The following GNG4 variants were observed in gnomAD, a reference collection of about 807,000 sequenced individuals.
GNG4 encodes the protein G protein subunit gamma 4.
A neutral mutation model predicts 5.8 loss-of-function variants in GNG4; 4 were observed. That is an observed-to-expected ratio of 0.69 (90% CI 0.34 to 1.57). The LOEUF (loss-of-function observed/expected upper bound fraction) is 1.57. Ranked by LOEUF, GNG4 falls within the 40% of genes most tolerant of loss-of-function variation. GNG4 has a pLI of 0.06. For synonymous variants in GNG4, 29 were observed against 32.9 expected (o/e 0.88, Z 0.41); for missense variants, 96 against 95.1 (o/e 1.01, Z -0.04).
intron 3 of GNG4, among the ~76,000 whole-genome samples, chr1:235,563,702 G>C (rs1240336212): frequency 6.6e-6 from 1 of 152,174 alleles, no homozygotes; most frequent in African/African-American, 2.4e-5. Context: ...TGGCACATGT[G>C]ACTTTGTTTC....
At chr1:235,570,858 A>ATGTGTG (rs1198419579) in intron 3 of GNG4, among the ~76,000 whole-genome samples, 1 of 53,006 alleles carries the variant, frequency 1.9e-5, no homozygotes, top group South Asian at 5.1e-4. Context: ...AATTATATAT[A>ATGTGTG]TATATGTGTG....
intron 1 of GNG4, among the ~76,000 whole-genome samples, chr1:235,624,179 T>C (rs1216242624): frequency 6.6e-6 from 1 of 151,564 alleles, no homozygotes; most frequent in Non-Finnish European, 1.5e-5. Flanking sequence ...CTTGGCTCAC[T>C]GCAACCTCTG....
intron 2 of GNG4, among the ~76,000 whole-genome samples, chr1:235,587,174 T>A (rs1687780586): frequency 8.3e-6 from 1 of 119,768 alleles, no homozygotes; most frequent in African/African-American, 3.5e-5. Flanking sequence ...CGTGTGAGAG[T>A]GTGTGGGGGT....
chr1:235,632,071 A>G (rs1314950996), intron 1 of GNG4, among the ~76,000 whole-genome samples: 2 of 152,162 alleles, frequency 1.3e-5, no homozygotes, highest in African/African-American at 2.4e-5. Context: ...GGCAAGGCTT[A>G]GTTGACATGT....
chr1:235,571,553 G>A (rs1687345161), intron 3 of GNG4, among the ~76,000 whole-genome samples: 1 of 152,128 alleles, frequency 6.6e-6, no homozygotes, highest in Admixed American at 6.6e-5. Context: ...GAGAATGTGG[G>A]AAAACACACA....
chr1:235,558,546 G>A (rs2102914528), intron 3 of GNG4, among the ~76,000 whole-genome samples: 1 of 152,318 alleles, frequency 6.6e-6, no homozygotes, highest in South Asian at 2.1e-4. Flanking sequence ...TCCTTCCGCT[G>A]AGAGGGAGAG....
rs1392840974 is a variant in GNG4 at position 235,580,738 on chromosome 1, CGTTTTTT to C, written c.99+2995_99+3001del. 3.1e-5 allele frequency among the ~76,000 whole-genome samples: 3 copies of C among 98,144 alleles called. No homozygotes were observed. The South Asian group carries it at 1.1e-3, about 35-fold the overall frequency. 64.4% of individuals were successfully genotyped at this position (98,144 alleles called of 152,430 possible). A position where few individuals can be genotyped will look rare whatever the true frequency, so the allele number is the denominator to read the frequency against. On this transcript the variant is annotated intron_variant, in intron 3 of 3. Coordinates refer to ENST00000391854, the MANE Select transcript of GNG4 (RefSeq NM_001098722.2). ...AGCACAGCAACATGGCGGCCTATCCCGTTTTTTGTTTTTTTTTTTTTTTTTTTCCTGA... is the reference window on the plus strand; with the variant it reads ...AGCACAGCAACATGGCGGCCTATCCCGTTTTTTTTTTTTTTTTTTTCCTGA...
Position 235,648,608 on chromosome 1 carries a change from T to C in GNG4, c.-123+1054A>G, listed in dbSNP as rs369835088. The stretch of plus-strand genomic sequence containing the variant: ...ATGGCTACTGTGAGGCATTCGCCGC[T>C]GCAAATTTCCTGTCCACTGTGGGAA... On this transcript the variant is annotated intron_variant, in intron 1 of 3. Transcript: ENST00000391854. The surrounding 1 kb of genome is among the most constrained non-coding windows in gnomAD (Gnocchi z 5.0). Among the ~76,000 whole-genome samples, 22 of 152,330 alleles carry C rather than the reference T, an allele frequency of 1.4e-4. No individual in the cohort carries two copies. Among genetic ancestry groups the C allele is most frequent in the African/African-American group, 4.8e-4 (20 of 41,592 alleles).
intron 1 of GNG4, among the ~76,000 whole-genome samples, chr1:235,596,512 A>AAAAAC (rs1417590779): frequency 6.6e-6 from 1 of 152,230 alleles, no homozygotes. Flanking sequence ...AACAAGAGCA[A>AAAAAC]AAAACAAAAC....
At chr1:235,593,242 C>G (rs979633888) in intron 2 of GNG4, among the ~76,000 whole-genome samples, 7 of 152,220 alleles carry the variant, frequency 4.6e-5, no homozygotes, top group Non-Finnish European at 8.8e-5. Flanking sequence ...GTGCCTGCAT[C>G]CGACCATGCT....
At chr1:235,586,280 C>T (rs906434171) in intron 2 of GNG4, among the ~76,000 whole-genome samples, 11 of 152,092 alleles carry the variant, frequency 7.2e-5, no homozygotes, top group Admixed American at 1.3e-4. Context: ...ACTGTGCACG[C>T]GTTCCTGCAC....
chr1:235,629,798 G>A (rs1040011224), intron 1 of GNG4, among the ~76,000 whole-genome samples: 2 of 151,744 alleles, frequency 1.3e-5, no homozygotes, highest in African/African-American at 4.8e-5. Context: ...TACCATGTTG[G>A]CTAGGCTGGT....
At position 235,593,924 on chromosome 1, in the gene GNG4, G is replaced by T. The variant is rs149597916; in HGVS notation, c.-11+1476C>A. 9.0e-3 allele frequency among the ~76,000 whole-genome samples: 1,363 copies of T among 152,284 alleles called. 19 individuals are homozygous for T. The highest frequency in any genetic ancestry group is 0.031 in the African/African-American group (1,273 of 41,558). On this transcript the variant is annotated intron_variant, in intron 2 of 3. Transcript: ENST00000391854. ...ACAAAGCCTGCACAGCGTGCATGGGGACCCAAGCAGATTACCCCAGCTGGC... is the reference window on the plus strand; with the variant it reads ...ACAAAGCCTGCACAGCGTGCATGGGTACCCAAGCAGATTACCCCAGCTGGC...
chr1:235,555,679 T>TAA (rs59029355), intron 3 of GNG4, among the ~76,000 whole-genome samples: 1,424 of 127,402 alleles, frequency 0.011, 39 homozygotes, highest in African/African-American at 0.034. Context: ...ACCCTGTCTC[T>TAA]AAAAAAAAAA....
rs978942522 is a variant in GNG4, at chr1:235,642,224, C to A, written c.-123+7438G>T. ...CCGGCAGGGGCGGGGTGAGCCTTGGCCCCGCTCCCGTGCAGGTGTCGCGGG... is the reference window on the plus strand; with the variant it reads ...CCGGCAGGGGCGGGGTGAGCCTTGGACCCGCTCCCGTGCAGGTGTCGCGGG... On this transcript the variant is annotated intron_variant, in intron 1 of 3. Coordinates refer to ENST00000391854, the MANE Select transcript of GNG4 (RefSeq NM_001098722.2). This position sits in a 1 kb window ranked among gnomAD's most constrained non-coding sequence, Gnocchi z 4.3. 5.3e-5 allele frequency among the ~76,000 whole-genome samples: 8 copies of A among 152,222 alleles called. No homozygotes were observed. Among genetic ancestry groups the A allele is most frequent in the Non-Finnish European group, 8.8e-5 (6 of 68,044 alleles).
At chr1:235,591,205 CCG>C (rs551043416) in intron 2 of GNG4, among the ~76,000 whole-genome samples, 1 of 152,258 alleles carries the variant, frequency 6.6e-6, no homozygotes, top group African/African-American at 2.4e-5. Flanking sequence ...AAGCACTGCT[CCG>C]CCACTGCTCC....
At chr1:235,554,882 CTATCAT>C (rs1686857486) in intron 3 of GNG4, among the ~76,000 whole-genome samples, 1 of 149,950 alleles carries the variant, frequency 6.7e-6, no homozygotes, top group Admixed American at 6.7e-5. Flanking sequence ...TCTCGTCTGA[CTATCAT>C]GCCCTCTCCA....
chr1:235,561,692 G>A (rs916557197), intron 3 of GNG4, among the ~76,000 whole-genome samples: 3 of 152,172 alleles, frequency 2.0e-5, no homozygotes, highest in Admixed American at 2.0e-4. Context: ...ACCGCACTTG[G>A]CCCTTTATAT....
chr1:235,637,522 G>A (rs6698074), intron 1 of GNG4, among the ~76,000 whole-genome samples: 6,035 of 152,044 alleles, frequency 0.04, 382 homozygotes, highest in African/African-American at 0.13. Context: ...GCGCGGTGGC[G>A]CGTGCCTGCA....
Sources: gnomAD v4.1 joint callset for allele counts (sites outside exome capture counted in the v4.1 genomes callset) on GRCh38, gnomAD v4.1.1 for gene constraint, Gnocchi (gnomAD v3.1) non-coding constraint, MANE v1.5 for transcripts, NCBI Gene and HGNC (gene_info 2026-07-23, HGNC 2026-07-21) for gene names.